The following SIPA1L1 variants were observed in gnomAD, a reference collection of about 807,000 sequenced individuals.
SIPA1L1 encodes signal induced proliferation associated 1 like 1, also known as signal-induced proliferation-associated 1-like protein 1.
Under a neutral mutation model 162.7 loss-of-function variants are expected in SIPA1L1, and 26 were observed. The ratio of observed to expected loss-of-function variants is 0.16; its 90% CI spans 0.12 to 0.22. SIPA1L1 has a LOEUF of 0.22. SIPA1L1 is among the 10% of genes least tolerant of loss of function. The probability of loss-of-function intolerance (pLI) is 1.00; values close to 1 mark genes in which losing one functional copy is unlikely to be tolerated. For missense variants in SIPA1L1, 1,874 were observed against 2,241.0 expected (o/e 0.84, Z 3.31); for synonymous variants, 829 against 837.4 (o/e 0.99, Z 0.17).
intron 7 of SIPA1L1, among the ~76,000 whole-genome samples, chr14:71,634,183 C>T (rs1016316425): frequency 2.4e-4 from 36 of 151,278 alleles, no homozygotes; most frequent in African/African-American, 8.5e-4. Flanking sequence ...GGTGGATCAC[C>T]TGAGGTTGGG....
chr14:71,467,847 T>G (rs2047123429), intron 2 of SIPA1L1, among the ~76,000 whole-genome samples: 1 of 117,378 alleles, frequency 8.5e-6, no homozygotes. Flanking sequence ...TAGACCCCCA[T>G]CTCTTAAAAA....
At chr14:71,666,363 C>G (rs2044005450) in intron 10 of SIPA1L1, among the ~76,000 whole-genome samples, 1 of 152,112 alleles carries the variant, frequency 6.6e-6, no homozygotes, top group Non-Finnish European at 1.5e-5. Flanking sequence ...GGAGGGGAAT[C>G]TACAGAATAA....
chr14:71,582,227 C>G (rs1171618214), intron 4 of SIPA1L1, among the ~76,000 whole-genome samples: 1 of 152,046 alleles, frequency 6.6e-6, no homozygotes, highest in East Asian at 1.9e-4. Flanking sequence ...CCTAGCTACT[C>G]AAGAGGCCAA....
At chr14:71,725,639 C>T (rs1287687588) in intron 19 of SIPA1L1, among the ~76,000 whole-genome samples, 4 of 152,166 alleles carry the variant, frequency 2.6e-5, no homozygotes, top group Non-Finnish European at 5.9e-5. Context: ...TCTCTCCTTT[C>T]TTGTTCTATA....
intron 2 of SIPA1L1, among the ~76,000 whole-genome samples, chr14:71,395,148 A>G (rs1406748497): frequency 1.3e-5 from 2 of 152,224 alleles, no homozygotes; most frequent in African/African-American, 2.4e-5. Flanking sequence ...ATACACTTCA[A>G]ATACTTTCAA....
In SIPA1L1 at chr14:71,694,492, T is replaced by TA. The variant is rs370295160; in HGVS notation, c.3375-4479dup. On this transcript the variant is annotated intron_variant, in intron 13 of 23. Transcript: ENST00000381232. The stretch of plus-strand genomic sequence containing the variant: ...TTTCAATTGCGCATTCTTAGTACAA[T>TA]AAAAAAAAAAGCCCTGGTGTTTTAT... Among the ~76,000 whole-genome samples, 541 of 145,280 alleles carry TA rather than the reference T, an allele frequency of 3.7e-3. 4 individuals are homozygous for TA. The highest frequency in any genetic ancestry group is 0.012 in the African/African-American group (473 of 39,736).
rs551686774 is a variant in SIPA1L1, at chr14:71,657,132, A to G, written c.1994-1201A>G. Among the ~76,000 whole-genome samples the G allele has an allele frequency of 3.3e-5, 5 of 152,094 alleles. No individual in the cohort carries two copies. In the East Asian group the frequency reaches 7.8e-4, roughly 24 times the overall value. On this transcript the variant is annotated intron_variant, in intron 8 of 23. Transcript: ENST00000381232. Reference sequence around the variant, plus strand: ...TGGGAGGCCAAGGTGGGTGGATCACAAGGTCAGGAGATTGAGACCATCCTG... The same window carrying G: ...TGGGAGGCCAAGGTGGGTGGATCACGAGGTCAGGAGATTGAGACCATCCTG...
At chr14:71,481,167 C>T (rs985229616) in intron 2 of SIPA1L1, among the ~76,000 whole-genome samples, 1 of 152,116 alleles carries the variant, frequency 6.6e-6, no homozygotes, top group Non-Finnish European at 1.5e-5. Context: ...TGCATAAGTT[C>T]AGGCGAATTA....
At chr14:71,527,802 GTT>G (rs1308253879) in intron 3 of SIPA1L1, among the ~76,000 whole-genome samples, 6 of 152,212 alleles carry the variant, frequency 3.9e-5, no homozygotes, top group African/African-American at 1.4e-4. Flanking sequence ...AGACTTTCAT[GTT>G]TTTCAGTCCC....
chr14:71,426,572 C>T (rs1691711614), intron 2 of SIPA1L1, among the ~76,000 whole-genome samples: 1 of 150,896 alleles, frequency 6.6e-6, no homozygotes, highest in African/African-American at 2.4e-5. Flanking sequence ...TTACTGCAAC[C>T]TCTGCCTCCC....
chr14:71,650,464 C>T lies in SIPA1L1; in HGVS notation c.1948C>T (p.Arg650Trp), dbSNP rs1294493926. ...TCTTCAACTATTGGGAGAGCGAGTTCGGCTCAAAGGATTTGAGAAGTATCG... is the reference window on the plus strand; with the variant it reads ...TCTTCAACTATTGGGAGAGCGAGTTTGGCTCAAAGGATTTGAGAAGTATCG... ...EFLQLLGERV[R>W]LKGFEKYRAQ... Residue 650 changes from arginine to tryptophan, a missense_variant, in exon 8 of 24, where the codon CGG (arginine) becomes TGG (tryptophan). By Grantham distance (101) the Arg-to-Trp change is moderately radical. This residue lies in a region of SIPA1L1 where 685 missense variants were observed against 828.0 expected (regional missense o/e 0.83). Coordinates refer to ENST00000381232, the MANE Select transcript of SIPA1L1 (RefSeq NM_001386936.1). The T allele has an allele frequency of 3.1e-6, 5 of 1,614,108 alleles. No homozygotes were observed. Among genetic ancestry groups the T allele is most frequent in the African/African-American group, 1.3e-5 (1 of 75,046 alleles).
intron 2 of SIPA1L1, among the ~76,000 whole-genome samples, chr14:71,492,454 C>G (rs988853793): frequency 2.0e-5 from 3 of 152,040 alleles, no homozygotes; most frequent in Non-Finnish European, 4.4e-5. Flanking sequence ...TCTGAAAGAG[C>G]TTGACAGAGC....
chr14:71,459,614 G>T (rs974163014), intron 2 of SIPA1L1, among the ~76,000 whole-genome samples: 1 of 152,166 alleles, frequency 6.6e-6, no homozygotes, highest in Non-Finnish European at 1.5e-5. Context: ...GGCAGGAAGC[G>T]TCCAGCATGG....
chr14:71,703,666 CAT>C (rs1200423121), intron 15 of SIPA1L1, among the ~76,000 whole-genome samples: 4 of 152,344 alleles, frequency 2.6e-5, no homozygotes, highest in South Asian at 2.1e-4. Context: ...GGTAACGACA[CAT>C]GTGAAAAGGA....
rs566130035 is a variant in SIPA1L1, at chr14:71,534,710, A to G, written c.-303+5340A>G. The stretch of plus-strand genomic sequence containing the variant: ...GACCATCTGTCTCTATTTCTATCTG[A>G]ATATTTGGCTCCCTCCCTAAATTTG... On this transcript the variant is annotated intron_variant, in intron 4 of 23. Coordinates refer to ENST00000381232, the MANE Select transcript of SIPA1L1 (RefSeq NM_001386936.1). Among the ~76,000 whole-genome samples the G allele has an allele frequency of 2.0e-5, 3 of 152,278 alleles. No homozygotes were observed. The South Asian group carries it at 6.2e-4, about 32-fold the overall frequency.
chr14:71,323,129 T>A lies in SIPA1L1; in HGVS notation c.-465+1948T>A, dbSNP rs569855044. Among the ~76,000 whole-genome samples the A allele has an allele frequency of 2.6e-5, 4 of 152,368 alleles. No individual in the cohort carries two copies. In the East Asian group the frequency reaches 7.7e-4, roughly 29 times the overall value. On this transcript the variant is annotated intron_variant, in intron 2 of 23. Transcript: ENST00000381232. ...TTGCTTTGAAGTATGTGTGTAATTT[T>A]GGTATAGTGCCCCCATCTTCATTGT...
intron 2 of SIPA1L1, among the ~76,000 whole-genome samples, chr14:71,457,301 ATT>A (rs34181116): frequency 1.9e-4 from 26 of 139,696 alleles, no homozygotes; most frequent in Admixed American, 5.7e-4. Flanking sequence ...TGCAATGAAC[ATT>A]TTTTTTTTTT....
intron 2 of SIPA1L1, among the ~76,000 whole-genome samples, chr14:71,328,045 A>C (rs1244378568): frequency 6.6e-6 from 1 of 152,158 alleles, no homozygotes; most frequent in Non-Finnish European, 1.5e-5. Flanking sequence ...AAAGAGTCTC[A>C]GTATTGTTTT....
At chr14:71,420,790 T>C (rs546919484) in intron 2 of SIPA1L1, among the ~76,000 whole-genome samples, 1 of 152,352 alleles carries the variant, frequency 6.6e-6, no homozygotes, top group East Asian at 1.9e-4. Flanking sequence ...AATACTTCAG[T>C]CATTTTTTGT....
Sources: allele counts gnomAD v4.1 joint callset (sites outside exome capture counted in the v4.1 genomes callset), GRCh38; gene constraint gnomAD v4.1.1; regional missense constraint gnomAD v4.1.1; transcripts MANE v1.5; gene names NCBI Gene and HGNC (gene_info 2026-07-23, HGNC 2026-07-21).